RBPMS: variants seen among roughly 807,000 people sequenced by gnomAD.
RBPMS encodes the protein RNA-binding protein with multiple splicing.
Under a neutral mutation model 26.8 loss-of-function variants are expected in RBPMS, and 7 were observed. The observed-to-expected ratio is 0.26, with a 90% CI of 0.15 to 0.49. The LOEUF is 0.49. Ranked by LOEUF, RBPMS falls within the 20% of genes least tolerant of loss-of-function variation. The pLI, the probability that RBPMS is intolerant of heterozygous loss-of-function variation, is 0.98. For synonymous variants in RBPMS, 96 were observed against 93.3 expected (o/e 1.03, Z -0.17); for missense variants, 186 against 250.0 (o/e 0.74, Z 1.73).
chr8:30,570,563 T>A (rs1828203618), intron 8 of RBPMS, 74 bp from the exon 9 acceptor site: 1 of 152,702 alleles, frequency 6.5e-6, no homozygotes, highest in South Asian at 2.1e-4. Context: ...ATCCACAGCA[T>A]CTCCAGGACA....
chr8:30,517,455 T>C (rs1041369462), intron 5 of RBPMS, among the ~76,000 whole-genome samples: 1 of 152,120 alleles, frequency 6.6e-6, no homozygotes, highest in African/African-American at 2.4e-5. Flanking sequence ...CAAAATAGTT[T>C]AATTAGTGGC....
chr8:30,454,545 T>C (rs544032527), intron 1 of RBPMS, among the ~76,000 whole-genome samples: 1 of 152,348 alleles, frequency 6.6e-6, no homozygotes, highest in African/African-American at 2.4e-5. Flanking sequence ...TTTAGAGAAA[T>C]GAATTATGCA....
Position 30,515,302 on chromosome 8 carries a change from G to C in RBPMS, c.397+10866G>C, listed in dbSNP as rs187973802. ...AATGGATTTTAATGGAACATAATAG[G>C]AAAGCTCATTGATAAGGTTTCAGAT... On this transcript the variant is annotated intron_variant, in intron 5 of 8. Transcript: ENST00000397323. Among the ~76,000 whole-genome samples the C allele has an allele frequency of 3.8e-3, 573 of 152,298 alleles. 4 individuals carry two copies. Among genetic ancestry groups the C allele is most frequent in the African/African-American group, 0.014 (562 of 41,558 alleles).
chr8:30,412,700 G>A (rs1163787924), intron 1 of RBPMS, among the ~76,000 whole-genome samples: 1 of 152,112 alleles, frequency 6.6e-6, no homozygotes, highest in Non-Finnish European at 1.5e-5. Flanking sequence ...TTGAGGAGGA[G>A]AGAAAAATAG....
chr8:30,567,211 A>C (rs762269309), intron 8 of RBPMS, among the ~76,000 whole-genome samples: 2 of 152,216 alleles, frequency 1.3e-5, no homozygotes, highest in African/African-American at 2.4e-5. Flanking sequence ...ACAGAGAACC[A>C]AGCGCTTCTG....
At chr8:30,388,492 CTT>C (rs1807382113) in intron 1 of RBPMS, among the ~76,000 whole-genome samples, 1 of 60,644 alleles carries the variant, frequency 1.6e-5, no homozygotes, top group Non-Finnish European at 3.2e-5. Flanking sequence ...TATAAGCTAA[CTT>C]ATAACTTATA....
chr8:30,532,398 AAT>A (rs1459355172), intron 5 of RBPMS, among the ~76,000 whole-genome samples: 4 of 152,200 alleles, frequency 2.6e-5, no homozygotes, highest in Non-Finnish European at 4.4e-5. Flanking sequence ...TTCCTATATT[AAT>A]GTCAGTTACT....
intron 5 of RBPMS, among the ~76,000 whole-genome samples, chr8:30,520,235 A>G (rs1347327229): frequency 6.6e-6 from 1 of 152,182 alleles, no homozygotes; most frequent in Non-Finnish European, 1.5e-5. Context: ...GTCATCCAAA[A>G]AAGCAGGACA....
chr8:30,554,294 C>T (rs982846158), intron 6 of RBPMS, among the ~76,000 whole-genome samples: 1 of 152,182 alleles, frequency 6.6e-6, no homozygotes, highest in African/African-American at 2.4e-5. Flanking sequence ...CTTAGATCCA[C>T]CAAATGCTAC....
At chr8:30,465,974 A>T (rs1282200311) in intron 1 of RBPMS, among the ~76,000 whole-genome samples, 1 of 152,160 alleles carries the variant, frequency 6.6e-6, no homozygotes, top group African/African-American at 2.4e-5. Context: ...CTTATGAATT[A>T]TGGAACATCA....
rs1430919899 is a variant in RBPMS, at chr8:30,515,307, C to T, written c.397+10871C>T. On this transcript the variant is annotated intron_variant, in intron 5 of 8. Coordinates refer to ENST00000397323, the MANE Select transcript of RBPMS (RefSeq NM_001008710.3). ...ATTTTAATGGAACATAATAGGAAAG[C>T]TCATTGATAAGGTTTCAGATTCCAT... 3.3e-5 allele frequency among the ~76,000 whole-genome samples: 5 copies of T among 152,254 alleles called. No homozygotes were observed. In the East Asian group the frequency reaches 9.7e-4, roughly 29 times the overall value.
At chr8:30,447,258 G>A (rs772681486) in intron 1 of RBPMS, among the ~76,000 whole-genome samples, 19 of 152,184 alleles carry the variant, frequency 1.2e-4, no homozygotes, top group African/African-American at 3.1e-4. Flanking sequence ...GGAAAAATTC[G>A]AAAACTGAAC....
intron 1 of RBPMS, among the ~76,000 whole-genome samples, chr8:30,432,704 T>C (rs927205224): frequency 6.6e-6 from 1 of 152,192 alleles, no homozygotes; most frequent in Non-Finnish European, 1.5e-5. Flanking sequence ...ATAGCTGGTG[T>C]AATGAAACCA....
intron 1 of RBPMS, among the ~76,000 whole-genome samples, chr8:30,459,019 A>G (rs1815581953): frequency 6.9e-6 from 1 of 145,364 alleles, no homozygotes; most frequent in African/African-American, 2.6e-5. Flanking sequence ...GCTGGGGTGC[A>G]GTGGCACGAT....
intron 1 of RBPMS, among the ~76,000 whole-genome samples, chr8:30,443,654 G>T (rs865851225): frequency 2.9e-4 from 44 of 151,672 alleles, no homozygotes; most frequent in African/African-American, 1.1e-3. Flanking sequence ...GAGTGCAGTG[G>T]TGCAATCTCG....
chr8:30,472,259 A>G (rs1041756005), intron 1 of RBPMS, among the ~76,000 whole-genome samples: 3 of 152,240 alleles, frequency 2.0e-5, no homozygotes, highest in African/African-American at 7.2e-5. Flanking sequence ...AACATAGATG[A>G]ATCTCAAAGT....
chr8:30,482,171 G>A lies in RBPMS; in HGVS notation c.246+2794G>A, dbSNP rs534613411. ...ATATTCTTTGTGATCCAACATATTA[G>A]GCTCTTTTTAGGGTCATCTTTTCTA... is the stretch of plus-strand genomic sequence containing the variant. On this transcript the variant is annotated intron_variant, in intron 4 of 8. Transcript: ENST00000397323. 1.7e-3 allele frequency among the ~76,000 whole-genome samples: 262 copies of A among 152,256 alleles called. 2 individuals are homozygous for A. Among genetic ancestry groups the A allele is most frequent in the African/African-American group, 6.1e-3 (252 of 41,540 alleles).
Position 30,504,370 on chromosome 8 carries a change from G to C in RBPMS, c.331G>C (p.Val111Leu). 1 of 1,614,188 alleles carries C rather than the reference G, an allele frequency of 6.2e-7. No homozygotes were observed. Among genetic ancestry groups the C allele is most frequent in the South Asian group, 1.1e-5 (1 of 91,088 alleles). ...ANTKMAKNKL[V>L]GTPNPSTPLP... ...CACGAAGATGGCCAAGAACAAACTC[G>C]TAGGGACTCCAAACCCCAGTACTCC... Residue 111 changes from valine (V) to leucine (L), a missense_variant, in exon 5 of 9, where the codon GTA becomes CTA. Transcript: ENST00000397323.
chr8:30,476,294 C>G (rs1192965237), intron 2 of RBPMS, among the ~76,000 whole-genome samples: 2 of 152,200 alleles, frequency 1.3e-5, no homozygotes, highest in African/African-American at 2.4e-5. Context: ...TCTGCCCTCT[C>G]TGTTCTGAAC....
Sources: gnomAD v4.1 joint callset for allele counts (sites outside exome capture counted in the v4.1 genomes callset) on GRCh38, gnomAD v4.1.1 for gene constraint, MANE v1.5 for transcripts, NCBI Gene and HGNC (gene_info 2026-07-23, HGNC 2026-07-21) for gene names.